The following ABCA13 variants were observed in gnomAD, a reference collection of about 807,000 sequenced individuals.
ABCA13 encodes the protein ATP-binding cassette sub-family A member 13.
A neutral mutation model predicts 478.7 loss-of-function variants in ABCA13; 476 were observed. That is an observed-to-expected ratio of 0.99 (90% CI 0.92 to 1.07). The LOEUF (loss-of-function observed/expected upper bound fraction) is 1.07. Ranked by LOEUF, ABCA13 falls within the 50% of genes least tolerant of loss-of-function variation. The pLI, the probability that ABCA13 is intolerant of heterozygous loss-of-function variation, is 0.00. For synonymous variants in ABCA13, 2,252 were observed against 2,158.9 expected (o/e 1.04, Z -1.20); for missense variants, 6,060 against 5,910.6 (o/e 1.03, Z -0.83).
intron 19 of ABCA13, among the ~76,000 whole-genome samples, chr7:48,285,043 G>A (rs79206172): frequency 0.022 from 3,319 of 152,274 alleles, 126 homozygotes; most frequent in African/African-American, 0.076. Context: ...GTGCTTTAAA[G>A]ATGCCAAGGA....
chr7:48,433,130 A>G (rs955702355), intron 42 of ABCA13, among the ~76,000 whole-genome samples: 1 of 151,976 alleles, frequency 6.6e-6, no homozygotes, highest in African/African-American at 2.4e-5. Context: ...AGGTTAAAAA[A>G]AAAAGAAATA....
At chr7:48,514,518 G>A (rs1469593082) in intron 51 of ABCA13, among the ~76,000 whole-genome samples, 1 of 152,186 alleles carries the variant, frequency 6.6e-6, no homozygotes, top group Non-Finnish European at 1.5e-5. Context: ...CTCTTAGAAT[G>A]AATTTTATAG....
At chr7:48,181,033 T>C (rs1411034496) in intron 1 of ABCA13, among the ~76,000 whole-genome samples, 2 of 152,204 alleles carry the variant, frequency 1.3e-5, no homozygotes, top group African/African-American at 4.8e-5. Context: ...GGAACTCAAA[T>C]TACTAACTCT....
rs56242720 is a variant in ABCA13, at chr7:48,417,763, A to G, written c.12459+5180A>G. Among the ~76,000 whole-genome samples the G allele has an allele frequency of 7.5e-3, 1,136 of 152,244 alleles. 13 individuals carry two copies. The highest frequency in any genetic ancestry group is 0.024 in the African/African-American group (1,005 of 41,516). On this transcript the variant is annotated intron_variant, in intron 41 of 61. Transcript: ENST00000435803. ...TTTGGATGAGTATATAATTCCATGT[A>G]TCTGCCATTATAGTATGATATGGAA... is the stretch of plus-strand genomic sequence containing the variant.
chr7:48,254,763 G>A (rs1793135798), intron 15 of ABCA13, among the ~76,000 whole-genome samples: 1 of 152,162 alleles, frequency 6.6e-6, no homozygotes, highest in African/African-American at 2.4e-5. Context: ...CTACTGGGGT[G>A]TAGCCTTCTG....
chr7:48,414,895 G>T (rs1444956479), intron 41 of ABCA13, among the ~76,000 whole-genome samples: 1 of 152,128 alleles, frequency 6.6e-6, no homozygotes, highest in East Asian at 1.9e-4. Flanking sequence ...ACTTACAGTG[G>T]GATTGCATGA....
intron 19 of ABCA13, among the ~76,000 whole-genome samples, chr7:48,287,488 G>A (rs556652883): frequency 6.6e-6 from 1 of 152,180 alleles, no homozygotes; most frequent in Admixed American, 6.5e-5. Flanking sequence ...GGACCAGGGG[G>A]AGGAGAGTCA....
At chr7:48,557,060 G>C (rs56806901) in intron 55 of ABCA13, among the ~76,000 whole-genome samples, 21,077 of 151,914 alleles carry the variant, frequency 0.14, 1,836 homozygotes, top group African/African-American at 0.23. Flanking sequence ...AAACAAACAG[G>C]CAAAAGGAAA....
At chr7:48,306,682 G>C (rs757981771) in intron 23 of ABCA13, among the ~76,000 whole-genome samples, 3 of 152,156 alleles carry the variant, frequency 2.0e-5, no homozygotes, top group Non-Finnish European at 4.4e-5. Context: ...GGTCTTTTTG[G>C]TAAGTTAGTG....
At chr7:48,575,743 T>C (rs1463280428) in intron 55 of ABCA13, among the ~76,000 whole-genome samples, 2 of 152,132 alleles carry the variant, frequency 1.3e-5, no homozygotes, top group East Asian at 1.9e-4. Flanking sequence ...TGGTACAACA[T>C]TTAAAGAGCT....
intron 55 of ABCA13, among the ~76,000 whole-genome samples, chr7:48,546,395 A>G (rs1286534009): frequency 6.6e-6 from 1 of 151,806 alleles, no homozygotes; most frequent in Non-Finnish European, 1.5e-5. Flanking sequence ...AGTAAAATGA[A>G]AGAACATAAT....
rs961019890 is a variant in ABCA13 at position 48,383,811 on chromosome 7, C to T, written c.11336-4011C>T. Among the ~76,000 whole-genome samples, 3 of 152,288 alleles carry T rather than the reference C, an allele frequency of 2.0e-5. No homozygotes were observed. In the East Asian group the frequency reaches 5.8e-4, roughly 29 times the overall value. ...ACAGTTTTCTGCACCTAGTTGGGTT[C>T]ACACTGTATATGTAAATTTCCCTCT... On this transcript the variant is annotated intron_variant, in intron 35 of 61. Transcript: ENST00000435803.
intron 40 of ABCA13, among the ~76,000 whole-genome samples, chr7:48,411,132 CCTTTCCTTTCCTTTT>C (rs1163984067): frequency 3.1e-5 from 4 of 131,130 alleles, no homozygotes; most frequent in African/African-American, 1.1e-4. Context: ...CCTTTCCTTT[CCTTTCCTTTCCTTTT>C]CTTTCTCCCC....
At chr7:48,541,719 T>C (rs1365117488) in intron 55 of ABCA13, among the ~76,000 whole-genome samples, 1 of 49,600 alleles carries the variant, frequency 2.0e-5, no homozygotes, top group South Asian at 4.7e-4. Context: ...GAAAAAGAGA[T>C]ATATATATAC....
chr7:48,319,624 G>T (rs1406959875), intron 27 of ABCA13, among the ~76,000 whole-genome samples: 1 of 151,904 alleles, frequency 6.6e-6, no homozygotes, highest in Non-Finnish European at 1.5e-5. Context: ...TGCCATTTTT[G>T]CAGGAAAAAA....
chr7:48,259,385 T>C (rs1793851397), intron 15 of ABCA13, among the ~76,000 whole-genome samples: 1 of 152,132 alleles, frequency 6.6e-6, no homozygotes, highest in South Asian at 2.1e-4. Flanking sequence ...TTATTGTTGG[T>C]TTAAAGTTTG....
At chr7:48,462,742 T>C (rs969568006) in intron 43 of ABCA13, among the ~76,000 whole-genome samples, 2 of 152,042 alleles carry the variant, frequency 1.3e-5, no homozygotes, top group East Asian at 3.9e-4. Context: ...CTCCTGACCT[T>C]AGGTTATCTG....
chr7:48,412,633 G>A (rs772822460), intron 41 of ABCA13, 50 bp downstream of exon 41: 1 of 1,418,734 alleles, frequency 7.0e-7, no homozygotes, highest in Non-Finnish European at 9.5e-7. Flanking sequence ...TTTTTGACCA[G>A]TCCACATTAA....
intron 41 of ABCA13, among the ~76,000 whole-genome samples, chr7:48,418,552 G>A (rs974665229): frequency 2.0e-5 from 3 of 152,108 alleles, no homozygotes; most frequent in Non-Finnish European, 4.4e-5. Flanking sequence ...CTTTCTTATT[G>A]TTGAGTTTTA....
Sources: allele counts gnomAD v4.1 joint callset (sites outside exome capture counted in the v4.1 genomes callset), GRCh38; gene constraint gnomAD v4.1.1; transcripts MANE v1.5; gene names NCBI Gene and HGNC (gene_info 2026-07-23, HGNC 2026-07-21).